Variants in PINX1 observed in about 807,000 individuals in gnomAD.
The protein encoded by PINX1 is PIN2 (TERF1) interacting telomerase inhibitor 1.
A neutral mutation model predicts 25.4 loss-of-function variants in PINX1; 34 were observed. That is an observed-to-expected ratio of 1.34 (90% CI 1.02 to 1.78). The LOEUF (loss-of-function observed/expected upper bound fraction) is 1.78. PINX1 is among the 40% of genes most tolerant of loss of function. PINX1 has a pLI of 0.00. For missense variants in PINX1, 592 were observed against 404.9 expected, an observed-to-expected ratio of 1.46 and a Z score of -3.97; for synonymous variants, 197 against 147.7, an observed-to-expected ratio of 1.33 and a Z score of -2.42.
At chr8:10,832,717 C>G (rs1203461500) in intron 3 of PINX1, among the ~76,000 whole-genome samples, 175 bp downstream of exon 3, 14 of 152,202 alleles carry the variant, frequency 9.2e-5, no homozygotes, top group African/African-American at 3.4e-4. Context: ...GCGCGGTAGG[C>G]CACTGACTCT....
chr8:10,824,360 T>C (rs1283430656), intron 5 of PINX1, among the ~76,000 whole-genome samples: 1 of 152,190 alleles, frequency 6.6e-6, no homozygotes, highest in Non-Finnish European at 1.5e-5. Flanking sequence ...CCCTGGACTT[T>C]TGCTTCCTTC....
At chr8:10,784,753 G>T (rs1394579986) in intron 6 of PINX1, among the ~76,000 whole-genome samples, 2 of 152,214 alleles carry the variant, frequency 1.3e-5, no homozygotes, top group African/African-American at 4.8e-5. Context: ...AAGGAGCCTG[G>T]ACTAAAGTTA....
At chr8:10,797,457 A>G (rs975787875) in intron 6 of PINX1, among the ~76,000 whole-genome samples, 2 of 152,244 alleles carry the variant, frequency 1.3e-5, no homozygotes, top group Non-Finnish European at 2.9e-5. Context: ...CAAAGTTTTG[A>G]ACACATGGTT....
rs759302599 is a variant in PINX1, at chr8:10,832,983, C to T, written c.131G>A (p.Gly44Asp). The T allele has an allele frequency of 6.3e-7, 1 of 1,598,718 alleles. No homozygotes were observed. The highest frequency in any genetic ancestry group is 1.7e-5 in the Admixed American group (1 of 59,234). ...GGCTCCTTGCTCCTGAGCCCCTAAACCCTGTGGAGATTAAACACAGAGAGT... is the reference window on the plus strand; with the variant it reads ...GGCTCCTTGCTCCTGAGCCCCTAAATCCTGTGGAGATTAAACACAGAGAGT... ...LEKMGWSKGKGLGAQEQGATD... is the reference protein window; with the variant it reads ...LEKMGWSKGKDLGAQEQGATD... Residue 44 changes from glycine to aspartate, a missense_variant and splice_region_variant, in exon 3 of 7, where the codon GGT becomes GAT. By Grantham distance (94) the Gly-to-Asp change is moderately conservative. Coordinates refer to ENST00000314787, the MANE Select transcript of PINX1 (RefSeq NM_017884.6).
intron 4 of PINX1, 71 bp from the exon 5 acceptor site, chr8:10,826,315 T>G (rs1798040297): frequency 1.2e-6 from 1 of 815,330 alleles, no homozygotes; most frequent in East Asian, 2.7e-5. Flanking sequence ...TAACAGTGGA[T>G]AGTCTTGAAA....
At chr8:10,800,723 G>A (rs1049011708) in intron 6 of PINX1, among the ~76,000 whole-genome samples, 8 of 152,148 alleles carry the variant, frequency 5.3e-5, no homozygotes, top group Admixed American at 3.9e-4. Flanking sequence ...GCCTGCCTCC[G>A]CCTCCCAAAG....
rs1173488750 is a variant in PINX1, at chr8:10,775,427, T to C, written c.472-9511A>G. ...GTTTTGTGGTTTTTTTTTTTTTTTTTTTTTTTTTTTTTTGCCTTTAAAAAT... is the reference window on the plus strand; with the variant it reads ...GTTTTGTGGTTTTTTTTTTTTTTTTCTTTTTTTTTTTTTGCCTTTAAAAAT... On this transcript the variant is annotated intron_variant, in intron 6 of 6. Transcript: ENST00000314787. 5.4e-5 allele frequency among the ~76,000 whole-genome samples: 8 copies of C among 149,220 alleles called. No homozygotes were observed. The South Asian group carries it at 8.4e-4, about 16-fold the overall frequency.
chr8:10,817,730 A>C (rs1797744370), intron 6 of PINX1, among the ~76,000 whole-genome samples: 1 of 152,096 alleles, frequency 6.6e-6, no homozygotes, highest in Admixed American at 6.5e-5. Flanking sequence ...GCCCCCGCCC[A>C]GGCTTCCTGA....
chr8:10,790,650 A>G (rs1454689579), intron 6 of PINX1, among the ~76,000 whole-genome samples: 1 of 152,176 alleles, frequency 6.6e-6, no homozygotes, highest in Non-Finnish European at 1.5e-5. Flanking sequence ...ACCACTGAGC[A>G]GCTCAGGCTG....
At chr8:10,829,092 C>T (rs1291099109) in intron 4 of PINX1, among the ~76,000 whole-genome samples, 2 of 152,174 alleles carry the variant, frequency 1.3e-5, no homozygotes, top group South Asian at 2.1e-4. Flanking sequence ...TGGAGACCAG[C>T]CTGACCAACA....
chr8:10,796,389 T>G (rs1244464020), intron 6 of PINX1, among the ~76,000 whole-genome samples: 1 of 151,884 alleles, frequency 6.6e-6, no homozygotes, highest in African/African-American at 2.4e-5. Flanking sequence ...ATCCGATGAG[T>G]TCCATTTCTA....
Position 10,834,723 on chromosome 8 carries a change from A to C in PINX1, c.72T>G (p.Asn24Lys). The change falls in exon 2 of 7, where the codon AAT becomes AAG. Residue 24 changes from asparagine (N) to lysine (K), a missense_variant. Transcript: ENST00000314787. ...TCCGCTGGCCAAACTTGGAATCGTC[A>C]TTACTCCAGGCAGTGTTCTGAGGAT... ...AVDPQNTAWS[N>K]DDSKFGQRML... The C allele has an allele frequency of 1.2e-6, 2 of 1,613,930 alleles. No individual in the cohort carries two copies. Among genetic ancestry groups the C allele is most frequent in the Non-Finnish European group, 1.7e-6 (2 of 1,179,880 alleles).
intron 6 of PINX1, among the ~76,000 whole-genome samples, chr8:10,774,666 T>A (rs1054662671): frequency 6.6e-5 from 10 of 152,348 alleles, no homozygotes; most frequent in East Asian, 1.9e-4. Context: ...TAAGTAGTCA[T>A]GATTGTTTAT....
At chr8:10,803,533 G>A (rs1802337395) in intron 6 of PINX1, among the ~76,000 whole-genome samples, 1 of 152,108 alleles carries the variant, frequency 6.6e-6, no homozygotes, top group Non-Finnish European at 1.5e-5. Flanking sequence ...TAGAAATTGG[G>A]TCAATTGTTT....
intron 2 of PINX1, chr8:10,833,498 G>C (rs1798289703): frequency 6.4e-6 from 1 of 157,478 alleles, no homozygotes; most frequent in Non-Finnish European, 1.4e-5. Context: ...CAGTCAGTGA[G>C]CTCAAGTGAT....
At chr8:10,822,129 A>G (rs1797897249) in intron 5 of PINX1, 1 of 152,242 alleles carries the variant, frequency 6.6e-6, no homozygotes, top group African/African-American at 2.4e-5. Context: ...TTTGATCTGG[A>G]AAACAAGAAC....
intron 6 of PINX1, among the ~76,000 whole-genome samples, chr8:10,792,850 TGTTA>T (rs1034734808): frequency 5.3e-5 from 8 of 152,312 alleles, no homozygotes; most frequent in African/African-American, 1.9e-4. Context: ...ATGTTTACTA[TGTTA>T]GTTAGTGTGA....
rs138563578 is a variant in PINX1 at position 10,769,918 on chromosome 8, G to A, written c.472-4002C>T. Among the ~76,000 whole-genome samples, 6 of 151,960 alleles carry A rather than the reference G, an allele frequency of 3.9e-5. No homozygotes were observed. In the East Asian group the frequency reaches 1.2e-3, roughly 29 times the overall value. ...TTGACCACATAATCCAGAGACTAAG[G>A]TCTACACTCACCTAAGTTGACTGAT... On this transcript the variant is annotated intron_variant, in intron 6 of 6. Transcript: ENST00000314787.
intron 2 of PINX1, among the ~76,000 whole-genome samples, chr8:10,833,330 GGAA>G (rs1279795180): frequency 3.3e-5 from 5 of 152,204 alleles, no homozygotes; most frequent in Non-Finnish European, 7.3e-5. Context: ...ACCTACGGGA[GGAA>G]TTTGGATTTT....
Sources: allele counts gnomAD v4.1 joint callset (sites outside exome capture counted in the v4.1 genomes callset), GRCh38; gene constraint gnomAD v4.1.1; transcripts MANE v1.5; gene names NCBI Gene and HGNC (gene_info 2026-07-23, HGNC 2026-07-21).